AGAP1: variants seen among roughly 807,000 people sequenced by gnomAD.
The protein encoded by AGAP1 is ArfGAP with GTPase domain, ankyrin repeat and PH domain 1.
Under a neutral mutation model 105.3 loss-of-function variants are expected in AGAP1, and 29 were observed. The observed-to-expected ratio is 0.28, with a 90% CI of 0.21 to 0.38. AGAP1 has a LOEUF of 0.38. AGAP1 is among the 10% of genes least tolerant of loss of function. The probability of loss-of-function intolerance (pLI) is 1.00; values close to 1 mark genes in which losing one functional copy is unlikely to be tolerated. For synonymous variants in AGAP1, 509 were observed against 485.9 expected, an observed-to-expected ratio of 1.05 and a Z score of -0.63; for missense variants, 998 against 1,165.1, an observed-to-expected ratio of 0.86 and a Z score of 2.09.
At chr2:235,946,644 G>A (rs1327526595) in intron 12 of AGAP1, among the ~76,000 whole-genome samples, 1 of 152,198 alleles carries the variant, frequency 6.6e-6, no homozygotes, top group Non-Finnish European at 1.5e-5. Context: ...CAATCTCTGT[G>A]TCCAGAAGTA....
At chr2:236,017,565 G>A (rs886159721) in intron 13 of AGAP1, among the ~76,000 whole-genome samples, 2 of 152,182 alleles carry the variant, frequency 1.3e-5, no homozygotes, top group African/African-American at 2.4e-5. Flanking sequence ...CACCACCCAA[G>A]TAAGGTGGAC....
At chr2:235,704,706 G>A (rs1408256843) in intron 1 of AGAP1, among the ~76,000 whole-genome samples, 1 of 152,230 alleles carries the variant, frequency 6.6e-6, no homozygotes, top group Non-Finnish European at 1.5e-5. Context: ...CTCACCTGTT[G>A]CTGGCTTTGC....
chr2:235,740,031 T>C lies in AGAP1; in HGVS notation c.311-932T>C, dbSNP rs1440480921. Among the ~76,000 whole-genome samples, 2 of 152,168 alleles carry C rather than the reference T, an allele frequency of 1.3e-5. No individual in the cohort carries two copies. The highest frequency in any genetic ancestry group is 4.8e-5 in the African/African-American group (2 of 41,448). On this transcript the variant is annotated intron_variant, in intron 3 of 17. Coordinates refer to ENST00000304032, the MANE Select transcript of AGAP1 (RefSeq NM_001037131.3). This position sits in a 1 kb window ranked among gnomAD's most constrained non-coding sequence, Gnocchi z 5.7. Reference sequence around the variant, plus strand: ...TGGGAACCGATGCGTGCCTTCCCTCTTTAAAACAAGAGTTTCGAATCCCCA... The same window carrying C: ...TGGGAACCGATGCGTGCCTTCCCTCCTTAAAACAAGAGTTTCGAATCCCCA...
chr2:235,944,921 C>T (rs1355339442), intron 12 of AGAP1, among the ~76,000 whole-genome samples: 1 of 152,188 alleles, frequency 6.6e-6, no homozygotes, highest in Non-Finnish European at 1.5e-5. Context: ...TGGACCAGCA[C>T]CCGGCTTTTA....
chr2:236,018,923 T>C (rs1468125084), intron 13 of AGAP1, among the ~76,000 whole-genome samples: 3 of 152,138 alleles, frequency 2.0e-5, no homozygotes, highest in African/African-American at 4.8e-5. Context: ...GGCATTGCCA[T>C]GGGGAAACAG....
rs1948371961 is a variant in AGAP1 at position 235,670,865 on chromosome 2, G to A, written c.164-38314G>A. ...GGAGCGCGCGCGGGCGGCGGCCGGG[G>A]CCGGCGCGGCCTCGGAGCACCGGCT... On this transcript the variant is annotated intron_variant, in intron 1 of 17. Coordinates refer to ENST00000304032, the MANE Select transcript of AGAP1 (RefSeq NM_001037131.3). 6 of 1,380,236 alleles carry A rather than the reference G, an allele frequency of 4.3e-6. No homozygotes were observed. In the East Asian group the frequency reaches 1.9e-4, roughly 43 times the overall value. The allele number at this position is 1,380,236 out of a possible 1,614,324, so 85.5% of individuals were successfully genotyped here. A position where few individuals can be genotyped will look rare whatever the true frequency, so the allele number is the denominator to read the frequency against.
rs570754376 is a variant in AGAP1 at position 235,799,043 on chromosome 2, AC to A, written c.802-322del. Among the ~76,000 whole-genome samples, 382 of 152,234 alleles carry A rather than the reference AC, an allele frequency of 2.5e-3. 1 individual carries two copies. The highest frequency in any genetic ancestry group is 8.9e-3 in the African/African-American group (371 of 41,530). On this transcript the variant is annotated intron_variant, in intron 7 of 17. Coordinates refer to ENST00000304032, the MANE Select transcript of AGAP1 (RefSeq NM_001037131.3). This position sits in a 1 kb window ranked among gnomAD's most constrained non-coding sequence, Gnocchi z 5.0. ...GGGACCATAGAATCCCTTTAGTTTA[AC>A]CAACCCCTTTCATTTTCAGAGGAAA...
chr2:235,838,997 G>A (rs6717724), intron 9 of AGAP1, among the ~76,000 whole-genome samples: 112,198 of 152,064 alleles, frequency 0.74, 41,765 homozygotes, highest in East Asian at 0.99. Context: ...GCTAACGCGG[G>A]TGTACGTGAG....
chr2:235,907,037 A>G (rs992264707), intron 10 of AGAP1, among the ~76,000 whole-genome samples: 15 of 151,936 alleles, frequency 9.9e-5, no homozygotes, highest in African/African-American at 3.4e-4. Context: ...ACAAAACAAA[A>G]AGGTAGACAG....
chr2:236,016,503 G>T (rs1033942848), intron 13 of AGAP1, among the ~76,000 whole-genome samples: 1 of 151,844 alleles, frequency 6.6e-6, no homozygotes, highest in Admixed American at 6.6e-5. Flanking sequence ...AAAATTGGGG[G>T]ACAGCAAGGG....
chr2:235,672,748 G>A (rs971135332), intron 1 of AGAP1, among the ~76,000 whole-genome samples: 3 of 152,174 alleles, frequency 2.0e-5, no homozygotes, highest in African/African-American at 2.4e-5. Flanking sequence ...AAAGAAAAAC[G>A]CACAGACATG....
chr2:235,707,612 G>C (rs1950612200), intron 1 of AGAP1, among the ~76,000 whole-genome samples: 1 of 136,094 alleles, frequency 7.3e-6, no homozygotes, highest in African/African-American at 2.8e-5. Flanking sequence ...CCCCCGGCGT[G>C]TGACTTGGTG....
chr2:235,885,820 C>G (rs1309319926), intron 10 of AGAP1, among the ~76,000 whole-genome samples: 2 of 152,206 alleles, frequency 1.3e-5, no homozygotes, highest in Non-Finnish European at 2.9e-5. Flanking sequence ...CCATGCGTTA[C>G]TATTCAGTGG....
chr2:235,910,068 T>C (rs981575523), intron 11 of AGAP1, among the ~76,000 whole-genome samples: 2 of 152,190 alleles, frequency 1.3e-5, no homozygotes, highest in East Asian at 3.9e-4. Flanking sequence ...TCTTTGATGC[T>C]GCACTTTCCT....
In AGAP1 at chr2:235,615,102, G is replaced by C. The variant is rs1174619402; in HGVS notation, c.164-94077G>C. Among the ~76,000 whole-genome samples the C allele has an allele frequency of 6.6e-6, 1 of 152,200 alleles. No homozygotes were observed. Among genetic ancestry groups the C allele is most frequent in the Admixed American group, 6.5e-5 (1 of 15,280 alleles). ...TTCCATGAAGAGTGCAAGTACGCCT[G>C]ACTCCTCCGCGCAGGGAATGAGCAG... On this transcript the variant is annotated intron_variant, in intron 1 of 17. Transcript: ENST00000304032. This position sits in a 1 kb window ranked among gnomAD's most constrained non-coding sequence, Gnocchi z 5.0.
At position 235,596,242 on chromosome 2, in the gene AGAP1, T is replaced by C. The variant is rs1945521799; in HGVS notation, c.163+101393T>C. Among the ~76,000 whole-genome samples, 1 of 152,220 alleles carries C rather than the reference T, an allele frequency of 6.6e-6. No individual in the cohort carries two copies. Among genetic ancestry groups the C allele is most frequent in the African/African-American group, 2.4e-5 (1 of 41,450 alleles). The stretch of plus-strand genomic sequence containing the variant: ...AACGGAGTCAGAACCCGGCCATGGA[T>C]GTGTATTCACTGTTATTTAACAGAT... On this transcript the variant is annotated intron_variant, in intron 1 of 17. Transcript: ENST00000304032. The surrounding 1 kb of genome is among the most constrained non-coding windows in gnomAD (Gnocchi z 5.9).
chr2:236,111,257 G>A (rs976685513), intron 16 of AGAP1, among the ~76,000 whole-genome samples: 6 of 152,144 alleles, frequency 3.9e-5, no homozygotes, highest in South Asian at 4.1e-4. Flanking sequence ...CCAGCTGAGC[G>A]TGGTAGTGCA....
chr2:236,033,703 T>C (rs1326539809), intron 13 of AGAP1, among the ~76,000 whole-genome samples: 4 of 152,208 alleles, frequency 2.6e-5, no homozygotes, highest in Non-Finnish European at 4.4e-5. Flanking sequence ...CCTAGCACGT[T>C]GGGGAGGGCA....
At position 236,002,539 on chromosome 2, in the gene AGAP1, G is replaced by T. The variant is rs930256128; in HGVS notation, c.1645+33916G>T. On this transcript the variant is annotated intron_variant, in intron 13 of 17. Coordinates refer to ENST00000304032, the MANE Select transcript of AGAP1 (RefSeq NM_001037131.3). This position sits in a 1 kb window ranked among gnomAD's most constrained non-coding sequence, Gnocchi z 4.3. ...TAATGTTGCTCCCTCTCATGAGGGG[G>T]TCACTGGCTGCCCTTATAGAAGGCC... Among the ~76,000 whole-genome samples the T allele has an allele frequency of 2.0e-5, 3 of 152,198 alleles. No homozygotes were observed. The highest frequency in any genetic ancestry group is 2.9e-5 in the Non-Finnish European group (2 of 68,030).
Sources: gnomAD v4.1 joint callset for allele counts (sites outside exome capture counted in the v4.1 genomes callset) on GRCh38, gnomAD v4.1.1 for gene constraint, Gnocchi (gnomAD v3.1) non-coding constraint, MANE v1.5 for transcripts, NCBI Gene and HGNC (gene_info 2026-07-23, HGNC 2026-07-21) for gene names.